Variants in GIPC1 observed in about 807,000 individuals in gnomAD.
GIPC1 encodes the protein PDZ domain-containing protein GIPC1.
GIPC1 carries 15 observed loss-of-function variants against 28.5 expected under a neutral mutation model. That is an observed-to-expected ratio of 0.53 (90% CI 0.35 to 0.81). The LOEUF is 0.81. Ranked by LOEUF, GIPC1 falls within the 30% of genes least tolerant of loss-of-function variation. GIPC1 has a pLI of 0.01. For missense variants in GIPC1, 439 were observed against 481.9 expected (o/e 0.91, Z 0.83); for synonymous variants, 224 against 206.1 (o/e 1.09, Z -0.74).
At chr19:14,492,785 A>G (rs2071999762) in intron 2 of GIPC1, 72 bp downstream of exon 2, 1 of 152,208 alleles carries the variant, frequency 6.6e-6, no homozygotes, top group Non-Finnish European at 1.5e-5. Context: ...AAAGTGAGTG[A>G]GTAATGAATC....
chr19:14,481,004 T>A, intron 4 of GIPC1: 1 of 515,574 alleles, frequency 1.9e-6, no homozygotes, highest in Non-Finnish European at 3.5e-6. Flanking sequence ...AGGGTCTTGC[T>A]CTGTCACCCA....
intron 1 of GIPC1, among the ~76,000 whole-genome samples, chr19:14,495,374 A>G (rs1465448098): frequency 6.6e-6 from 1 of 151,982 alleles, no homozygotes; most frequent in African/African-American, 2.4e-5. Flanking sequence ...CCGTGGAGTT[A>G]TTGGTATCCA....
At position 14,480,615 on chromosome 19, in the gene GIPC1, C is replaced by A; in HGVS notation, c.452G>T (p.Gly151Val). 6.2e-7 allele frequency: 1 copy of A among 1,614,176 alleles called. No homozygotes were observed. Among genetic ancestry groups the A allele is most frequent in the Non-Finnish European group, 8.5e-7 (1 of 1,180,008 alleles). Residue 151 changes from glycine (G) to valine (V), a missense_variant, in exon 5 of 9, where the codon GGG (glycine) becomes GTG (valine). Coordinates refer to ENST00000393033, the MANE Select transcript of GIPC1 (RefSeq NM_005716.4). The part of the protein sequence containing the change: ...DALGLTITDN[G>V]AGYAFIKRIK... Reference sequence around the variant, plus strand: ...CACCTTGATGAAGGCGTAGCCAGCCCCGTTGTCCGTGATGGTGAGCCCGAG... The same window carrying A: ...CACCTTGATGAAGGCGTAGCCAGCCACGTTGTCCGTGATGGTGAGCCCGAG...
chr19:14,487,382 G>C (rs955298823), intron 3 of GIPC1, among the ~76,000 whole-genome samples: 1 of 151,844 alleles, frequency 6.6e-6, no homozygotes, highest in East Asian at 1.9e-4. Context: ...ACAGGTGCAC[G>C]CCACCATGCC....
In GIPC1 at chr19:14,491,713, A is replaced by G. The variant is rs1440234367; in HGVS notation, c.-88T>C. 1 of 152,250 alleles carries G rather than the reference A, an allele frequency of 6.6e-6. No individual in the cohort carries two copies. Among genetic ancestry groups the G allele is most frequent in the East Asian group, 1.9e-4 (1 of 5,198 alleles). 9.4% of individuals were successfully genotyped at this position (152,250 alleles called of 1,614,324 possible). On this transcript the variant is annotated 5_prime_UTR_variant, in exon 3 of 9. Coordinates refer to ENST00000393033, the MANE Select transcript of GIPC1 (RefSeq NM_005716.4). ...CCAGCTTCCACCCTCACCCCCTACG[A>G]CTTCTTGTCCAGACAGCAGCCAGAA...
At chr19:14,491,295 G>T (rs7258106) in intron 3 of GIPC1, among the ~76,000 whole-genome samples, 70,200 of 150,916 alleles carry the variant, frequency 0.47, 16,678 homozygotes, top group South Asian at 0.65. Context: ...CTCTCACTCT[G>T]TCACCCAGGC....
chr19:14,483,098 CAG>C (rs1174143143), intron 3 of GIPC1, 92 bp from the exon 4 acceptor site: 1 of 831,534 alleles, frequency 1.2e-6, no homozygotes, highest in East Asian at 2.6e-5. Context: ...AGGAAATACT[CAG>C]AGAACAAATT....
intron 6 of GIPC1, 93 bp from the exon 7 acceptor site, chr19:14,479,617 C>T: frequency 3.4e-6 from 2 of 595,734 alleles, no homozygotes; most frequent in Non-Finnish European, 5.5e-6. Context: ...CACCACCACC[C>T]CAAACTTCTC....
In GIPC1 at chr19:14,478,617, G is replaced by T. The variant is rs1465419212; in HGVS notation, c.851-50C>A. ...AGGCACAAATGACACCAGGGACCAA[G>T]GGGCTCAGGGTGGATTCGGCCCCCA... On this transcript the variant is annotated intron_variant, in intron 8 of 8. Transcript: ENST00000393033. This position sits in a 1 kb window ranked among gnomAD's most constrained non-coding sequence, Gnocchi z 5.2. 6.2e-7 allele frequency: 1 copy of T among 1,612,910 alleles called. No individual in the cohort carries two copies. Among genetic ancestry groups the T allele is most frequent in the African/African-American group, 1.3e-5 (1 of 74,984 alleles).
intron 3 of GIPC1, among the ~76,000 whole-genome samples, chr19:14,485,930 C>G (rs1016830335): frequency 2.6e-5 from 4 of 151,752 alleles, no homozygotes; most frequent in African/African-American, 9.7e-5. Context: ...GCCACCATGC[C>G]CAGCTAATTT....
At chr19:14,485,683 A>AC in intron 3 of GIPC1, among the ~76,000 whole-genome samples, 1 of 45,480 alleles carries the variant, frequency 2.2e-5, no homozygotes, top group East Asian at 4.2e-4. Flanking sequence ...ATAAATAAAC[A>AC]AATATATATA....
chr19:14,488,999 C>A (rs2071906248), intron 3 of GIPC1, among the ~76,000 whole-genome samples: 2 of 151,792 alleles, frequency 1.3e-5, no homozygotes. Flanking sequence ...GATCACAGCT[C>A]ACTACAGCCT....
rs776082233 is a variant in GIPC1, at chr19:14,480,688, C to A, written c.379G>T (p.Val127Leu). Residue 127 changes from valine (V) to leucine (L), a missense_variant, in exon 5 of 9, where the codon GTG (valine) becomes TTG (leucine). By Grantham distance (32) the Val-to-Leu change is conservative. Transcript: ENST00000393033. The stretch of plus-strand genomic sequence containing the variant: ...TCCACCTCCTTGCGCTGCCCCTTCA[C>A]GTGGGCGAAGATGAAGTCCTCCAGC... The part of the protein sequence containing the change: ...IGLEDFIFAH[V>L]KGQRKEVEVF... 3.1e-6 allele frequency: 5 copies of A among 1,614,146 alleles called. No homozygotes were observed. The Admixed American group carries it at 5.0e-5, about 16-fold the overall frequency.
rs1265010977 is a variant in GIPC1 at position 14,478,829 on chromosome 19, G to A, written c.769-64C>T. On this transcript the variant is annotated intron_variant, in intron 7 of 8. Coordinates refer to ENST00000393033, the MANE Select transcript of GIPC1 (RefSeq NM_005716.4). The surrounding 1 kb of genome is among the most constrained non-coding windows in gnomAD (Gnocchi z 5.2). ...TGTGAATATACATAGTAATTGGACGGACTGCCATTGTCACCACTTTACATA... is the reference window on the plus strand; with the variant it reads ...TGTGAATATACATAGTAATTGGACGAACTGCCATTGTCACCACTTTACATA... 1.7e-6 allele frequency: 2 copies of A among 1,180,190 alleles called. No individual in the cohort carries two copies. The highest frequency in any genetic ancestry group is 2.3e-5 in the East Asian group (1 of 42,882). The allele number at this position is 1,180,190 out of a possible 1,614,324, so 73.1% of individuals were successfully genotyped here. A position where few individuals can be genotyped will look rare whatever the true frequency, so the allele number is the denominator to read the frequency against.
intron 1 of GIPC1, among the ~76,000 whole-genome samples, chr19:14,495,133 G>T (rs1436666988): frequency 1.3e-5 from 2 of 152,172 alleles, no homozygotes; most frequent in African/African-American, 2.4e-5. Context: ...TTGCCAGGGG[G>T]GAACCCAGTG....
chr19:14,487,727 G>A (rs1406556018), intron 3 of GIPC1, among the ~76,000 whole-genome samples: 2 of 132,860 alleles, frequency 1.5e-5, no homozygotes, highest in African/African-American at 6.1e-5. Context: ...CCAAGGCTGA[G>A]GTGCAGTGGT....
At position 14,495,320 on chromosome 19, in the gene GIPC1, G is replaced by A. The variant is rs1451297672; in HGVS notation, c.-175+717C>T. ...GCCCTGATGATGAGTACGGGGTAGG[G>A]GGTGGGAGGGGTAGGGGGCCGGAGC... On this transcript the variant is annotated intron_variant, in intron 1 of 8. Transcript: ENST00000393033. Among the ~76,000 whole-genome samples the A allele has an allele frequency of 2.0e-5, 3 of 151,948 alleles. No homozygotes were observed. The East Asian group carries it at 5.8e-4, about 29-fold the overall frequency.
Position 14,478,399 on chromosome 19 carries a change from A to G in GIPC1, c.*17T>C. ...CAGGTTGCGCCCGGGTCATCATCGC[A>G]GGGTCCGGGGGCAGTCCTAGTAGCG... On this transcript the variant is annotated 3_prime_UTR_variant, in exon 9 of 9. Transcript: ENST00000393033. This position sits in a 1 kb window ranked among gnomAD's most constrained non-coding sequence, Gnocchi z 5.2. The G allele has an allele frequency of 6.3e-7, 1 of 1,591,752 alleles. No individual in the cohort carries two copies. The highest frequency in any genetic ancestry group is 8.6e-7 in the Non-Finnish European group (1 of 1,168,176).
intron 3 of GIPC1, among the ~76,000 whole-genome samples, chr19:14,485,380 G>A (rs1482821260): frequency 2.7e-5 from 4 of 150,908 alleles, no homozygotes; most frequent in African/African-American, 7.3e-5. Context: ...TAGGCCTGGT[G>A]CGATGGCTCA....
Sources: allele counts gnomAD v4.1 joint callset (sites outside exome capture counted in the v4.1 genomes callset), GRCh38; gene constraint gnomAD v4.1.1; non-coding constraint Gnocchi (gnomAD v3.1); transcripts MANE v1.5; gene names NCBI Gene and HGNC (gene_info 2026-07-23, HGNC 2026-07-21).